Variants in MEIOC observed in about 807,000 individuals in gnomAD.
MEIOC encodes the protein meiosis-specific coiled-coil domain-containing protein MEIOC.
MEIOC carries 9 observed loss-of-function variants against 85.3 expected under a neutral mutation model. The ratio of observed to expected loss-of-function variants is 0.11; its 90% CI spans 0.06 to 0.18. The LOEUF is 0.18. Ranked by LOEUF, MEIOC falls within the 10% of genes least tolerant of loss-of-function variation. The probability of loss-of-function intolerance (pLI) is 1.00; values close to 1 mark genes in which losing one functional copy is unlikely to be tolerated. For missense variants in MEIOC, 898 were observed against 1,129.4 expected, an observed-to-expected ratio of 0.80 and a Z score of 2.94; for synonymous variants, 365 against 393.7, an observed-to-expected ratio of 0.93 and a Z score of 0.86.
At position 44,657,280 on chromosome 17, in the gene MEIOC, C is replaced by T. The variant is rs1050340345; in HGVS notation, c.204+19C>T. 1 of 1,547,518 alleles carries T rather than the reference C, an allele frequency of 6.5e-7. No individual in the cohort carries two copies. Among genetic ancestry groups the T allele is most frequent in the Non-Finnish European group, 8.7e-7 (1 of 1,143,640 alleles). ...ATCGCAGGTCCTTTAGTAAACTCTG[C>T]CTCTGTTAGACGATTTATTCTCAAA... On this transcript the variant is annotated intron_variant, in intron 2 of 7. Transcript: ENST00000409122.
Position 44,675,773 on chromosome 17 carries a change from GA to G in MEIOC, c.*1584del. On this transcript the variant is annotated 3_prime_UTR_variant, in exon 8 of 8. Coordinates refer to ENST00000409122, the MANE Select transcript of MEIOC (RefSeq NM_001145080.3). Reference sequence around the variant, plus strand: ...AATACTGTACTGAATTTAGTCTCAGGAAAAAAATAAATTACTTTGTTGAAAA... The same window carrying G: ...AATACTGTACTGAATTTAGTCTCAGGAAAAAATAAATTACTTTGTTGAAAA... 2.1e-6 allele frequency: 2 copies of G among 953,194 alleles called. No homozygotes were observed. The highest frequency in any genetic ancestry group is 2.5e-6 in the Non-Finnish European group (2 of 800,822). 59.0% of individuals were successfully genotyped at this position (953,194 alleles called of 1,614,324 possible).
At chr17:44,657,882 CCTT>C (rs1329880414) in intron 2 of MEIOC, among the ~76,000 whole-genome samples, 2 of 120,242 alleles carry the variant, frequency 1.7e-5, no homozygotes, top group Non-Finnish European at 3.5e-5. Flanking sequence ...GACGGAGTCT[CCTT>C]CTGTTGCCCA....
rs189011609 is a variant in MEIOC at position 44,667,112 on chromosome 17, C to T, written c.1201C>T (p.Leu401=). The T allele has an allele frequency of 6.2e-7, 1 of 1,613,890 alleles. No homozygotes were observed. The highest frequency in any genetic ancestry group is 8.5e-7 in the Non-Finnish European group (1 of 1,179,848). The change falls in exon 5 of 8, where the codon CTG becomes TTG. Residue 401 remains leucine, a synonymous_variant. Transcript: ENST00000409122. The part of the protein sequence containing the change: ...NFTFPKTTPH[L]TEKQFAKEAV... ...CACATTTCCAAAAACTACGCCACAT[C>T]TGACAGAGAAACAGTTTGCAAAGGA...
intron 6 of MEIOC, chr17:44,673,122 A>G (rs1972033490): frequency 2.6e-6 from 1 of 388,428 alleles, no homozygotes; most frequent in African/African-American, 2.1e-5. Context: ...AATATTTAAC[A>G]TTTTCATTGA....
At chr17:44,665,560 CTTTTAT>C (rs999404501) in intron 4 of MEIOC, 72 bp downstream of exon 4, 2 of 664,644 alleles carry the variant, frequency 3.0e-6, no homozygotes, top group Non-Finnish European at 4.5e-6. Flanking sequence ...TGTTTATTAA[CTTTTAT>C]TTTTACTTAA....
intron 2 of MEIOC, 66 bp from the exon 3 acceptor site, chr17:44,662,251 T>C: frequency 1.6e-6 from 2 of 1,225,524 alleles, no homozygotes; most frequent in South Asian, 2.9e-5. Flanking sequence ...CGCTTTCTTA[T>C]TTTTCTCATA....
chr17:44,658,442 A>G (rs1971798216), intron 2 of MEIOC, among the ~76,000 whole-genome samples: 2 of 149,856 alleles, frequency 1.3e-5, no homozygotes, highest in African/African-American at 4.9e-5. Context: ...GGCGTGAGCC[A>G]CCGCGCCCGG....
chr17:44,656,781 G>T, intron 1 of MEIOC, 99 bp downstream of exon 1: 1 of 806,702 alleles, frequency 1.2e-6, no homozygotes, highest in South Asian at 2.5e-5. Context: ...AGACGGGGCG[G>T]CAGAGGCGGG....
chr17:44,673,609 C>A, intron 7 of MEIOC, 63 bp downstream of exon 7: 2 of 1,310,646 alleles, frequency 1.5e-6, no homozygotes, highest in South Asian at 3.1e-5. Flanking sequence ...TTGATAAAAT[C>A]AGATTCTGAG....
intron 2 of MEIOC, among the ~76,000 whole-genome samples, chr17:44,658,190 T>C (rs571894988): frequency 1.2e-4 from 18 of 149,124 alleles, no homozygotes; most frequent in African/African-American, 4.0e-4. Flanking sequence ...AGTCTTGCTC[T>C]GTCGCCCAGG....
chr17:44,667,564 T>A lies in MEIOC; in HGVS notation c.1653T>A (p.Ser551Arg), dbSNP rs776366790. ...SAFSSFDFSY[S>R]GAERIQSVNH... is the part of the protein sequence containing the mutation. Reference sequence around the variant, plus strand: ...TTTCTAGTTTTGATTTTAGTTACAGTGGTGCAGAAAGAATCCAATCTGTCA... The same window carrying A: ...TTTCTAGTTTTGATTTTAGTTACAGAGGTGCAGAAAGAATCCAATCTGTCA... The change falls in exon 5 of 8, where the codon AGT becomes AGA. Residue 551 changes from serine to arginine, a missense_variant. By Grantham distance (110) the Ser-to-Arg change is moderately radical (BLOSUM62 -1). Transcript: ENST00000409122. 1 of 1,613,854 alleles carries A rather than the reference T, an allele frequency of 6.2e-7. No homozygotes were observed. Among genetic ancestry groups the A allele is most frequent in the Non-Finnish European group, 8.5e-7 (1 of 1,179,832 alleles).
Position 44,667,904 on chromosome 17 carries a change from T to G in MEIOC, c.1993T>G (p.Phe665Val). 4 of 1,613,910 alleles carry G rather than the reference T, an allele frequency of 2.5e-6. No individual in the cohort carries two copies. Among genetic ancestry groups the G allele is most frequent in the Non-Finnish European group, 3.4e-6 (4 of 1,179,844 alleles). The change falls in exon 5 of 8, where the codon TTT becomes GTT. Residue 665 changes from phenylalanine (F) to valine (V), a missense_variant. This residue lies in a region of MEIOC where 734 missense variants were observed against 860.1 expected (regional missense o/e 0.85). Transcript: ENST00000409122. Reference protein sequence around the residue: ...SRVNRTQVSCFSNNYMMGDLR... With the variant: ...SRVNRTQVSCVSNNYMMGDLR... Reference sequence around the variant, plus strand: ...TGTGAATCGCACACAAGTGTCATGCTTTTCTAATAATTATATGATGGGAGA... The same window carrying G: ...TGTGAATCGCACACAAGTGTCATGCGTTTCTAATAATTATATGATGGGAGA...
chr17:44,657,309 A>T, intron 2 of MEIOC, 48 bp downstream of exon 2: 1 of 1,479,448 alleles, frequency 6.8e-7, no homozygotes, highest in Non-Finnish European at 9.1e-7. Flanking sequence ...TCTCAAATGG[A>T]TTTACTCGAG....
At chr17:44,665,301 TATAG>T (rs1437490626) in intron 3 of MEIOC, 79 bp from the exon 4 acceptor site, 2 of 937,354 alleles carry the variant, frequency 2.1e-6, no homozygotes, top group East Asian at 3.2e-5. Context: ...CCACATATTT[TATAG>T]ATAAAGATGG....
intron 2 of MEIOC, among the ~76,000 whole-genome samples, chr17:44,661,077 G>C (rs1971835627): frequency 6.6e-6 from 1 of 152,022 alleles, no homozygotes; most frequent in Admixed American, 6.6e-5. Context: ...TTGAGGTCAG[G>C]ATTTGAGACC....
chr17:44,674,516 T>C lies in MEIOC; in HGVS notation c.*320T>C. ...CATGCAGGTAAATGCAAATGTGAAATTCTTCTAGGAGATAAATTTCATTTA... is the reference window on the plus strand; with the variant it reads ...CATGCAGGTAAATGCAAATGTGAAACTCTTCTAGGAGATAAATTTCATTTA... On this transcript the variant is annotated 3_prime_UTR_variant, in exon 8 of 8. Coordinates refer to ENST00000409122, the MANE Select transcript of MEIOC (RefSeq NM_001145080.3). 1 of 1,043,220 alleles carries C rather than the reference T, an allele frequency of 9.6e-7. No homozygotes were observed. The allele number at this position is 1,043,220 out of a possible 1,614,324, so 64.6% of individuals were successfully genotyped here.
chr17:44,658,517 G>A lies in MEIOC; in HGVS notation c.204+1256G>A, dbSNP rs531847190. On this transcript the variant is annotated intron_variant, in intron 2 of 7. Coordinates refer to ENST00000409122, the MANE Select transcript of MEIOC (RefSeq NM_001145080.3). ...TTGCTTTGAAAATAAGTTAAGGGCCGGGCGCCATGGCTCGTGCCTGTAATC... is the reference window on the plus strand; with the variant it reads ...TTGCTTTGAAAATAAGTTAAGGGCCAGGCGCCATGGCTCGTGCCTGTAATC... 6.6e-5 allele frequency among the ~76,000 whole-genome samples: 10 copies of A among 151,578 alleles called. No homozygotes were observed. The South Asian group carries it at 2.1e-3, about 32-fold the overall frequency.
At chr17:44,673,321 T>C in intron 6 of MEIOC, 45 bp from the exon 7 acceptor site, 1 of 1,410,982 alleles carries the variant, frequency 7.1e-7, no homozygotes, top group South Asian at 1.4e-5. Flanking sequence ...TTACTTAAGT[T>C]AATGGCAGGA....
Position 44,674,246 on chromosome 17 carries a change from A to G in MEIOC, c.*50A>G. The stretch of plus-strand genomic sequence containing the variant: ...AAAAAGCTGATAAATATACCAAGAC[A>G]TGCTAAAAATGTTTTAATGAACTTG... On this transcript the variant is annotated 3_prime_UTR_variant, in exon 8 of 8. Coordinates refer to ENST00000409122, the MANE Select transcript of MEIOC (RefSeq NM_001145080.3). The G allele has an allele frequency of 6.7e-7, 1 of 1,490,984 alleles. No individual in the cohort carries two copies. Among genetic ancestry groups the G allele is most frequent in the Non-Finnish European group, 8.9e-7 (1 of 1,120,508 alleles). The allele number at this position is 1,490,984 out of a possible 1,614,324, so 92.4% of individuals were successfully genotyped here.
Sources: gnomAD v4.1 joint callset for allele counts (sites outside exome capture counted in the v4.1 genomes callset) on GRCh38, gnomAD v4.1.1 for gene constraint, gnomAD v4.1.1 regional missense constraint, MANE v1.5 for transcripts, NCBI Gene and HGNC (gene_info 2026-07-23, HGNC 2026-07-21) for gene names.